The following ALDH1L2 variants were observed in gnomAD, a reference collection of about 807,000 sequenced individuals.
ALDH1L2 encodes the protein aldehyde dehydrogenase 1 family member L2.
In ALDH1L2, 91 loss-of-function variants were observed where a neutral mutation model predicts 111.0. The ratio of observed to expected loss-of-function variants is 0.82; its 90% CI spans 0.69 to 0.98. ALDH1L2 has a LOEUF of 0.98. Ranked by LOEUF, ALDH1L2 falls within the 50% of genes least tolerant of loss-of-function variation. ALDH1L2 has a pLI of 0.00. For missense variants in ALDH1L2, 995 were observed against 1,126.8 expected (o/e 0.88, Z 1.67); for synonymous variants, 374 against 392.6 (o/e 0.95, Z 0.56).
chr12:105,056,945 G>A (rs1201261213), intron 10 of ALDH1L2, among the ~76,000 whole-genome samples: 2 of 151,156 alleles, frequency 1.3e-5, no homozygotes, highest in South Asian at 2.1e-4. Flanking sequence ...AACCTGTTGT[G>A]TGTCAAAGGA....
intron 13 of ALDH1L2, chr12:105,047,520 G>A (rs1239530473): frequency 6.5e-6 from 1 of 154,972 alleles, no homozygotes; most frequent in Non-Finnish European, 1.4e-5. Context: ...CAGGGTGGAG[G>A]TCACATGGCC....
At chr12:105,042,407 T>TTTG (rs71440562) in intron 15 of ALDH1L2, among the ~76,000 whole-genome samples, 55,851 of 151,786 alleles carry the variant, frequency 0.37, 10,500 homozygotes, top group South Asian at 0.53. Flanking sequence ...TTTGGGTTTT[T>TTTG]TTGTTGTTGT....
chr12:105,058,184 A>C lies in ALDH1L2; in HGVS notation c.1176T>G (p.Leu392=). The stretch of plus-strand genomic sequence containing the variant: ...TATAGACATCTTCATTCTGCAACTG[A>C]AGCCCACCACATTTCTGTCTGATCT... The part of the protein sequence containing the change: ...VEEIRQKCGG[L]QLQNEDVYMA... The change falls in exon 10 of 23, where the codon CTT becomes CTG. Residue 392 remains leucine, a synonymous_variant. Transcript: ENST00000258494. 6.2e-7 allele frequency: 1 copy of C among 1,611,264 alleles called. No individual in the cohort carries two copies. The highest frequency in any genetic ancestry group is 8.5e-7 in the Non-Finnish European group (1 of 1,178,976).
At chr12:105,032,106 G>C (rs1354884340) in intron 19 of ALDH1L2, among the ~76,000 whole-genome samples, 172 bp from the exon 20 acceptor site, 1 of 149,432 alleles carries the variant, frequency 6.7e-6, no homozygotes, top group Non-Finnish European at 1.5e-5. Context: ...TGGAGACAGG[G>C]TCTTAGTCAC....
At chr12:105,064,496 T>C (rs1465068852) in intron 6 of ALDH1L2, among the ~76,000 whole-genome samples, 2 of 152,200 alleles carry the variant, frequency 1.3e-5, no homozygotes, top group African/African-American at 2.4e-5. Context: ...TGGATTTTTA[T>C]TGGCACTTAG....
At position 105,078,778 on chromosome 12, in the gene ALDH1L2, C is replaced by T. The variant is rs543118041; in HGVS notation, c.49-4773G>A. On this transcript the variant is annotated intron_variant, in intron 1 of 22. Coordinates refer to ENST00000258494, the MANE Select transcript of ALDH1L2 (RefSeq NM_001034173.4). ...GTTTGGTTAAGAGACGAGAAGCCTT[C>T]TCCAGAAGGGAGTTACTTAGCTGAA... Among the ~76,000 whole-genome samples the T allele has an allele frequency of 1.2e-4, 19 of 152,318 alleles. No homozygotes were observed. In the South Asian group the frequency reaches 3.5e-3, roughly 28 times the overall value.
chr12:105,071,899 C>T (rs1179953361), intron 2 of ALDH1L2, among the ~76,000 whole-genome samples: 1 of 149,008 alleles, frequency 6.7e-6, no homozygotes, highest in Non-Finnish European at 1.5e-5. Context: ...CCAGCGTGGA[C>T]AACATAATGA....
At chr12:105,084,297 C>T in intron 1 of ALDH1L2, 92 bp downstream of exon 1, 3 of 1,371,552 alleles carry the variant, frequency 2.2e-6, no homozygotes, top group Non-Finnish European at 2.9e-6. Context: ...CATCGCTGCT[C>T]ATCCCCAGCC....
In ALDH1L2 at chr12:105,047,565, A is replaced by C. The variant is rs193228492; in HGVS notation, c.1687-596T>G. 93 of 153,500 alleles carry C rather than the reference A, an allele frequency of 6.1e-4. 1 individual carries two copies. The highest frequency in any genetic ancestry group is 2.1e-3 in the African/African-American group (89 of 41,564). The allele number at this position is 153,500 out of a possible 1,614,324, so 9.5% of individuals were successfully genotyped here. ...CAGAAAAAGAGTTTGCATCTCACAT[A>C]CTAGTCCTAACTGCCTGTCTCTGGA... is the stretch of plus-strand genomic sequence containing the variant. On this transcript the variant is annotated intron_variant, in intron 13 of 22. Coordinates refer to ENST00000258494, the MANE Select transcript of ALDH1L2 (RefSeq NM_001034173.4).
chr12:105,030,520 C>A lies in ALDH1L2; in HGVS notation c.2411-91G>T, dbSNP rs955544173. On this transcript the variant is annotated intron_variant, in intron 20 of 22. Coordinates refer to ENST00000258494, the MANE Select transcript of ALDH1L2 (RefSeq NM_001034173.4). ...TCACTTAATTACATTATAATTTTTT[C>A]TTTCCCTCTGGCCCAGTAAAACCAA... The A allele has an allele frequency of 2.7e-6, 3 of 1,108,106 alleles. No individual in the cohort carries two copies. The African/African-American group carries it at 4.8e-5, about 18-fold the overall frequency. The allele number at this position is 1,108,106 out of a possible 1,614,324, so 68.6% of individuals were successfully genotyped here.
At chr12:105,057,673 T>C (rs945387936) in intron 10 of ALDH1L2, among the ~76,000 whole-genome samples, 3 of 152,218 alleles carry the variant, frequency 2.0e-5, no homozygotes, top group African/African-American at 7.2e-5. Flanking sequence ...GTTGTATGAT[T>C]CTATTTATAT....
At chr12:105,062,851 A>G (rs943439997) in intron 7 of ALDH1L2, 37 bp downstream of exon 7, 1 of 1,593,108 alleles carries the variant, frequency 6.3e-7, no homozygotes, top group Non-Finnish European at 8.5e-7. Context: ...AAGAAAATCA[A>G]AAGGTTATTT....
At chr12:105,038,276 ACAAAC>A in intron 17 of ALDH1L2, 74 bp from the exon 18 acceptor site, 1 of 275,642 alleles carries the variant, frequency 3.6e-6, no homozygotes, top group Non-Finnish European at 6.3e-6. Context: ...ACACACACAC[ACAAAC>A]ACACACACAC....
chr12:105,050,539 C>T, intron 12 of ALDH1L2: 1 of 345,548 alleles, frequency 2.9e-6, no homozygotes, highest in Non-Finnish European at 5.8e-6. Flanking sequence ...TGTATAATGA[C>T]TATGATACGG....
chr12:105,075,978 G>T (rs1878034609), intron 1 of ALDH1L2, among the ~76,000 whole-genome samples: 1 of 152,088 alleles, frequency 6.6e-6, no homozygotes, highest in Non-Finnish European at 1.5e-5. Flanking sequence ...TAGAGACAGG[G>T]TTTCACCATG....
At chr12:105,057,923 G>T in intron 10 of ALDH1L2, 150 bp downstream of exon 10, 1 of 953,354 alleles carries the variant, frequency 1.0e-6, no homozygotes, top group Non-Finnish European at 1.5e-6. Flanking sequence ...CATTTTAAAG[G>T]GGAATTTTAT....
At position 105,030,403 on chromosome 12, in the gene ALDH1L2, TG is replaced by T. The variant is rs1265987462; in HGVS notation, c.2436del (p.Phe812LeufsTer53). ...AGGTACATGTAGTCTTCCACATCTG[TG>T]AACACGGTCGGCTCCATGAAAAAGC... ...RPGFFMEPTVFTDVEDYMYLA... is the reference protein window; with the variant it reads ...RPGFFMEPTVXTDVEDYMYLA... On this transcript the variant is annotated frameshift_variant, in exon 21 of 23. Transcript: ENST00000258494. LOFTEE classifies it high-confidence loss of function. 1 of 1,610,522 alleles carries T rather than the reference TG, an allele frequency of 6.2e-7. No homozygotes were observed. The highest frequency in any genetic ancestry group is 2.2e-5 in the East Asian group (1 of 44,754).
intron 21 of ALDH1L2, 144 bp downstream of exon 21, chr12:105,030,180 A>G (rs1346497269): frequency 1.9e-6 from 1 of 537,056 alleles, no homozygotes; most frequent in Admixed American, 4.2e-5. Flanking sequence ...GCAAAAGCGT[A>G]ACTTCTAATT....
chr12:105,048,153 T>C (rs968996069), intron 13 of ALDH1L2: 15 of 152,242 alleles, frequency 9.9e-5, no homozygotes, highest in Non-Finnish European at 1.6e-4. Context: ...AAACCTGCTA[T>C]GTTGCAGACT....
Sources: allele counts gnomAD v4.1 joint callset (sites outside exome capture counted in the v4.1 genomes callset), GRCh38; gene constraint gnomAD v4.1.1; transcripts MANE v1.5; gene names NCBI Gene and HGNC (gene_info 2026-07-23, HGNC 2026-07-21).